The following AGMO variants were observed in gnomAD, a reference collection of about 807,000 sequenced individuals.
AGMO encodes the protein glyceryl-ether monooxygenase.
A neutral mutation model predicts 60.2 loss-of-function variants in AGMO; 75 were observed. The ratio of observed to expected loss-of-function variants is 1.25; its 90% CI spans 1.03 to 1.51. The LOEUF is 1.51. Ranked by LOEUF, AGMO falls within the 40% of genes most tolerant of loss-of-function variation. The pLI is 0.00. For missense variants in AGMO, 763 were observed against 525.5 expected, an observed-to-expected ratio of 1.45 and a Z score of -4.42; for synonymous variants, 261 against 177.1, an observed-to-expected ratio of 1.47 and a Z score of -3.76.
chr7:15,380,479 A>G (rs570140391), intron 10 of AGMO, among the ~76,000 whole-genome samples: 1 of 152,238 alleles, frequency 6.6e-6, no homozygotes, highest in South Asian at 2.1e-4. Flanking sequence ...CTAGAAGGAG[A>G]GCTACAAAAC....
chr7:15,372,708 T>C (rs1452083011), intron 10 of AGMO, among the ~76,000 whole-genome samples: 2 of 152,190 alleles, frequency 1.3e-5, no homozygotes, highest in Non-Finnish European at 2.9e-5. Context: ...ATATGTGAAA[T>C]CACACGTAGC....
intron 12 of AGMO, among the ~76,000 whole-genome samples, chr7:15,244,230 ATG>A (rs1563051899): frequency 6.6e-6 from 1 of 152,184 alleles, no homozygotes; most frequent in East Asian, 1.9e-4. Context: ...AACATTCTCA[ATG>A]TGTCTACCTT....
intron 5 of AGMO, among the ~76,000 whole-genome samples, chr7:15,401,224 A>G (rs975031904): frequency 6.6e-6 from 1 of 152,152 alleles, no homozygotes; most frequent in Non-Finnish European, 1.5e-5. Context: ...ACAAAGCATC[A>G]AAATAAATAT....
At chr7:15,559,803 C>T (rs377015093) in intron 2 of AGMO, among the ~76,000 whole-genome samples, 9 of 151,854 alleles carry the variant, frequency 5.9e-5, no homozygotes, top group Non-Finnish European at 1.0e-4. Context: ...TGGCTACACC[C>T]GAGACAGCTA....
intron 12 of AGMO, among the ~76,000 whole-genome samples, chr7:15,238,193 T>G (rs145249286): frequency 6.6e-6 from 1 of 152,212 alleles, no homozygotes; most frequent in African/African-American, 2.4e-5. Context: ...TTCATAGGCA[T>G]TTAAAACAAG....
At chr7:15,129,971 G>C in the AGMO span, among the ~76,000 whole-genome samples, 1 of 152,076 alleles carries the variant, frequency 6.6e-6, no homozygotes, top group South Asian at 2.1e-4. Context: ...AATTTAAAGA[G>C]AGAATTAGAA....
At chr7:15,139,851 A>C in the AGMO span, among the ~76,000 whole-genome samples, 1 of 149,554 alleles carries the variant, frequency 6.7e-6, no homozygotes, top group African/African-American at 2.4e-5. Context: ...ATAATACAGT[A>C]TGTAAGTTAG....
At chr7:15,219,716 C>T (rs866758403) in intron 12 of AGMO, among the ~76,000 whole-genome samples, 1 of 151,944 alleles carries the variant, frequency 6.6e-6, no homozygotes, top group African/African-American at 2.4e-5. Context: ...GTTAGGACAC[C>T]ATCTCAGTAA....
chr7:15,447,707 C>T (rs1270018986), intron 3 of AGMO, among the ~76,000 whole-genome samples: 1 of 152,068 alleles, frequency 6.6e-6, no homozygotes, highest in Non-Finnish European at 1.5e-5. Flanking sequence ...CACGCCACCA[C>T]ACCTGGCTAA....
At chr7:15,426,554 G>C (rs1412764715) in intron 4 of AGMO, among the ~76,000 whole-genome samples, 1 of 152,010 alleles carries the variant, frequency 6.6e-6, no homozygotes, top group African/African-American at 2.4e-5. Context: ...TTGAAGTCCA[G>C]CCTGGGCAAC....
At chr7:15,188,720 G>T in the AGMO span, among the ~76,000 whole-genome samples, 113 of 152,056 alleles carry the variant, frequency 7.4e-4, 1 homozygote, top group African/African-American at 2.6e-3. Context: ...TCATAGAAAA[G>T]CAGATAAATA....
At chr7:15,346,653 A>C (rs1782045109) in intron 12 of AGMO, among the ~76,000 whole-genome samples, 1 of 151,888 alleles carries the variant, frequency 6.6e-6, no homozygotes, top group South Asian at 2.1e-4. Context: ...TTATACTCAG[A>C]AATATCCAAC....
chr7:15,351,322 A>T (rs1018721914), intron 12 of AGMO, among the ~76,000 whole-genome samples: 4 of 152,150 alleles, frequency 2.6e-5, no homozygotes, highest in Admixed American at 6.6e-5. Flanking sequence ...TGTAAGTAGA[A>T]ATTGCAAGAC....
chr7:15,545,424 G>A (rs921162664), intron 2 of AGMO, among the ~76,000 whole-genome samples: 2 of 151,830 alleles, frequency 1.3e-5, no homozygotes, highest in Non-Finnish European at 2.9e-5. Context: ...GGTTAAAGTT[G>A]CTTCTGTCTA....
chr7:15,248,539 G>A (rs754609906), intron 12 of AGMO, among the ~76,000 whole-genome samples: 35 of 151,980 alleles, frequency 2.3e-4, no homozygotes, highest in Non-Finnish European at 4.3e-4. Context: ...GGTGACTTAT[G>A]AGTCTTTTGT....
intron 12 of AGMO, among the ~76,000 whole-genome samples, chr7:15,357,819 G>GA (rs1218690092): frequency 1.3e-4 from 20 of 152,298 alleles, no homozygotes; most frequent in African/African-American, 4.8e-4. Flanking sequence ...ACGCAGCAGA[G>GA]AAAACACCAC....
intron 9 of AGMO, among the ~76,000 whole-genome samples, 162 bp from the exon 10 acceptor site, chr7:15,385,724 A>AT (rs1173724265): frequency 6.6e-6 from 1 of 152,190 alleles, no homozygotes; most frequent in Admixed American, 6.5e-5. Flanking sequence ...AGACTTTCTC[A>AT]TTTTGAAAGC....
chr7:15,143,218 T>C, the AGMO span, among the ~76,000 whole-genome samples: 1 of 152,126 alleles, frequency 6.6e-6, no homozygotes, highest in African/African-American at 2.4e-5. Context: ...AATTGATGAG[T>C]GGAAATCACT....
At chr7:15,307,603 T>C (rs1454566760) in intron 12 of AGMO, among the ~76,000 whole-genome samples, 3 of 151,810 alleles carry the variant, frequency 2.0e-5, no homozygotes, top group South Asian at 2.1e-4. Flanking sequence ...CAAGGAACAA[T>C]AAAACATTTC....
Sources: allele counts gnomAD v4.1 joint callset (sites outside exome capture counted in the v4.1 genomes callset), GRCh38; gene constraint gnomAD v4.1.1; transcripts MANE v1.5; gene names NCBI Gene and HGNC (gene_info 2026-07-23, HGNC 2026-07-21).